The following IGFL4 variants were observed in gnomAD, a reference collection of about 807,000 sequenced individuals.
The protein encoded by IGFL4 is insulin growth factor-like family member 4.
IGFL4 carries 12 observed loss-of-function variants against 15.4 expected under a neutral mutation model. The observed-to-expected ratio is 0.78, with a 90% CI of 0.50 to 1.26. The LOEUF is 1.26. IGFL4 is among the 50% of genes most tolerant of loss of function. IGFL4 has a pLI of 0.00. For synonymous variants in IGFL4, 54 were observed against 55.9 expected, an observed-to-expected ratio of 0.97 and a Z score of 0.16; for missense variants, 126 against 147.8, an observed-to-expected ratio of 0.85 and a Z score of 0.76.
intron 3 of IGFL4, 56 bp from the exon 4 acceptor site, chr19:46,039,992 G>T: frequency 6.6e-7 from 1 of 1,524,038 alleles, no homozygotes; most frequent in Non-Finnish European, 9.1e-7. Flanking sequence ...TAGCAGCAGT[G>T]GCGGGGAAGG....
upstream of IGFL4, among the ~76,000 whole-genome samples, chr19:46,043,858 A>T (rs559680397): frequency 6.6e-6 from 1 of 152,330 alleles, no homozygotes; most frequent in African/African-American, 2.4e-5. Flanking sequence ...AATCCTTATG[A>T]CTTAGGGAAA....
chr19:46,063,435 T>TTCAC (rs1436231780), intron 1 of IGFL4, among the ~76,000 whole-genome samples: 3 of 151,974 alleles, frequency 2.0e-5, no homozygotes, highest in Admixed American at 6.6e-5. Flanking sequence ...CTCAGAAGCA[T>TTCAC]TCACTCACTC....
At chr19:46,047,689 C>T (rs1311209257) in intron 2 of IGFL4, among the ~76,000 whole-genome samples, 1 of 152,094 alleles carries the variant, frequency 6.6e-6, no homozygotes, top group Non-Finnish European at 1.5e-5. Context: ...GGATACATCC[C>T]TAGACACATA....
At chr19:46,053,791 A>G (rs1165580591) in intron 2 of IGFL4, among the ~76,000 whole-genome samples, 1 of 152,000 alleles carries the variant, frequency 6.6e-6, no homozygotes, top group Non-Finnish European at 1.5e-5. Context: ...ATTATTTTTT[A>G]TCTTTTTGAT....
rs564619431 is a variant in IGFL4, at chr19:46,039,506, G to T, written c.*386C>A. Among the ~76,000 whole-genome samples, 73 of 121,384 alleles carry T rather than the reference G, an allele frequency of 6.0e-4. No individual in the cohort carries two copies. The highest frequency in any genetic ancestry group is 2.2e-3 in the African/African-American group (69 of 30,984). 79.6% of individuals were successfully genotyped at this position (121,384 alleles called of 152,430 possible). A position where few individuals can be genotyped will look rare whatever the true frequency, so the allele number is the denominator to read the frequency against. ...GCAGTATGGCCATTTTCACGATATT[G>T]ATTCTTCCTACCCATGAGCATGGAA... On this transcript the variant is annotated 3_prime_UTR_variant, in exon 4 of 4. Coordinates refer to ENST00000377697, the MANE Select transcript of IGFL4 (RefSeq NM_001002923.3).
chr19:46,042,965 A>G (rs1969260981), upstream of IGFL4, among the ~76,000 whole-genome samples: 1 of 152,202 alleles, frequency 6.6e-6, no homozygotes, highest in African/African-American at 2.4e-5. Context: ...GCCATGACAT[A>G]CATCAGCTAC....
rs1301155916 is a variant in IGFL4, at chr19:46,039,500, G to A, written c.*392C>T. On this transcript the variant is annotated 3_prime_UTR_variant, in exon 4 of 4. Coordinates refer to ENST00000377697, the MANE Select transcript of IGFL4 (RefSeq NM_001002923.3). ...CCTTGGGCAGTATGGCCATTTTCAC[G>A]ATATTGATTCTTCCTACCCATGAGC... 3.3e-5 allele frequency among the ~76,000 whole-genome samples: 4 copies of A among 120,236 alleles called. No individual in the cohort carries two copies. The highest frequency in any genetic ancestry group is 2.7e-4 in the Admixed American group (3 of 11,138). 78.9% of individuals were successfully genotyped at this position (120,236 alleles called of 152,430 possible).
rs1007722197 is a variant in IGFL4 at position 46,068,865 on chromosome 19, C to G, written c.-432+8155G>C. ...TTCGGGATTTTGCAAAAGACACATT[C>G]ACTCTGAGCACTGGAGACCTACATC... is the stretch of plus-strand genomic sequence containing the variant. On this transcript the variant is annotated intron_variant, in intron 1 of 5. Coordinates refer to the IGFL4 transcript ENST00000601672. Among the ~76,000 whole-genome samples the G allele has an allele frequency of 3.3e-5, 5 of 152,196 alleles. No homozygotes were observed. The South Asian group carries it at 1.0e-3, about 31-fold the overall frequency.
At chr19:46,060,611 T>C (rs180830974) in intron 1 of IGFL4, among the ~76,000 whole-genome samples, 1 of 152,298 alleles carries the variant, frequency 6.6e-6, no homozygotes, top group African/African-American at 2.4e-5. Context: ...TAGTCAAAGA[T>C]ACGATTGACA....
At chr19:46,073,935 T>C (rs894909580) in intron 1 of IGFL4, among the ~76,000 whole-genome samples, 18 of 152,174 alleles carry the variant, frequency 1.2e-4, no homozygotes, top group African/African-American at 3.9e-4. Flanking sequence ...TGGCACATAA[T>C]TACAAGGCAT....
At chr19:46,042,606 C>T (rs1283188200), upstream of IGFL4, among the ~76,000 whole-genome samples, 2 of 152,146 alleles carry the variant, frequency 1.3e-5, no homozygotes, top group African/African-American at 4.8e-5. Flanking sequence ...CTGTTAGTGA[C>T]AAAAACAAGC....
intron 1 of IGFL4, among the ~76,000 whole-genome samples, chr19:46,076,045 A>C (rs1003672221): frequency 6.6e-6 from 1 of 152,214 alleles, no homozygotes; most frequent in Non-Finnish European, 1.5e-5. Context: ...ACACCTGCAG[A>C]GTCAGTGTTT....
At chr19:46,056,308 T>C (rs148270759) in intron 2 of IGFL4, among the ~76,000 whole-genome samples, 17 of 152,362 alleles carry the variant, frequency 1.1e-4, no homozygotes, top group Non-Finnish European at 2.2e-4. Flanking sequence ...TATTGTCTAG[T>C]GGTTACAACA....
chr19:46,040,621 A>T lies in IGFL4; in HGVS notation c.20-53T>A. 1 of 1,579,424 alleles carries T rather than the reference A, an allele frequency of 6.3e-7. No homozygotes were observed. The highest frequency in any genetic ancestry group is 8.7e-7 in the Non-Finnish European group (1 of 1,149,240). On this transcript the variant is annotated intron_variant, in intron 1 of 3. Transcript: ENST00000377697. This position sits in a 1 kb window ranked among gnomAD's most constrained non-coding sequence, Gnocchi z 4.1. Reference sequence around the variant, plus strand: ...ATTCTGAGGTCACTAGGTCTTGACCACGGGGCACAGGATGATGTCTCTGAG... The same window carrying T: ...ATTCTGAGGTCACTAGGTCTTGACCTCGGGGCACAGGATGATGTCTCTGAG...
chr19:46,071,783 G>A (rs1439969754), intron 1 of IGFL4, among the ~76,000 whole-genome samples: 5 of 152,248 alleles, frequency 3.3e-5, no homozygotes, highest in African/African-American at 4.8e-5. Context: ...CACTTTGAGA[G>A]GCCAAGACAG....
At chr19:46,056,777 A>C (rs112387793) in intron 2 of IGFL4, among the ~76,000 whole-genome samples, 17 of 152,334 alleles carry the variant, frequency 1.1e-4, no homozygotes, top group African/African-American at 4.1e-4. Flanking sequence ...CAGCCACAGA[A>C]GACAGAAATG....
At chr19:46,065,936 GT>G (rs1408887816) in intron 1 of IGFL4, among the ~76,000 whole-genome samples, 1 of 152,222 alleles carries the variant, frequency 6.6e-6, no homozygotes, top group African/African-American at 2.4e-5. Flanking sequence ...CAGGCAGAGG[GT>G]ATGTGGGTTT....
intron 2 of IGFL4, chr19:46,060,064 C>G (rs182308696): frequency 4.8e-4 from 73 of 152,324 alleles, no homozygotes; most frequent in African/African-American, 1.7e-3. Flanking sequence ...GAAAACATAC[C>G]ATTCCAATCA....
chr19:46,063,177 T>C (rs1371358269), intron 1 of IGFL4, among the ~76,000 whole-genome samples: 1 of 152,138 alleles, frequency 6.6e-6, no homozygotes, highest in Non-Finnish European at 1.5e-5. Context: ...TTGGAGCTAG[T>C]AGTTCAGCAA....
Sources: gnomAD v4.1 joint callset for allele counts (sites outside exome capture counted in the v4.1 genomes callset) on GRCh38, gnomAD v4.1.1 for gene constraint, Gnocchi (gnomAD v3.1) non-coding constraint, MANE v1.5 for transcripts, NCBI Gene and HGNC (gene_info 2026-07-23, HGNC 2026-07-21) for gene names.